TRPM1: variants seen among roughly 807,000 people sequenced by gnomAD.
TRPM1 encodes transient receptor potential cation channel subfamily M member 1.
A neutral mutation model predicts 149.4 loss-of-function variants in TRPM1; 113 were observed. The ratio of observed to expected loss-of-function variants is 0.76; its 90% CI spans 0.65 to 0.88. The LOEUF is 0.88. Ranked by LOEUF, TRPM1 falls within the 40% of genes least tolerant of loss-of-function variation. The pLI is 0.00. For missense variants in TRPM1, 1,976 were observed against 2,038.7 expected, an observed-to-expected ratio of 0.97 and a Z score of 0.59; for synonymous variants, 741 against 759.5, an observed-to-expected ratio of 0.98 and a Z score of 0.40.
chr15:31,117,743 G>A (rs1196792169), intron 1 of TRPM1, among the ~76,000 whole-genome samples: 2 of 150,738 alleles, frequency 1.3e-5, no homozygotes, highest in Non-Finnish European at 2.9e-5. Flanking sequence ...AAGAGCAGCT[G>A]TGTAATATTA....
upstream of TRPM1, among the ~76,000 whole-genome samples, chr15:31,103,435 C>A (rs944268852): frequency 1.3e-5 from 2 of 152,202 alleles, no homozygotes; most frequent in Non-Finnish European, 2.9e-5. Context: ...TAATCGATTG[C>A]ACATTGAAAT....
In TRPM1 at chr15:31,001,844, G is replaced by A. The variant is rs751690363; in HGVS notation, c.4856C>T (p.Ala1619Val). ...AEEKKVKKEK[A>V]STETEC ...AGACTAGCATTCAGTTTCTGTGGAA[G>A]CTTTCTCTTTCTTAACCTTTTTTTC... Residue 1619 changes from alanine (A) to valine (V), a missense_variant, in exon 28 of 28, where the codon GCT becomes GTT. Physicochemically the swap from Ala to Val is moderately conservative, Grantham distance 64. Around this residue, in one of 3 missense-constraint regions of TRPM1, gnomAD observed 572 missense variants for 578.9 expected, o/e 0.99. Coordinates refer to ENST00000256552, the MANE Select transcript of TRPM1 (RefSeq NM_001252024.2). 6 of 1,611,800 alleles carry A rather than the reference G, an allele frequency of 3.7e-6. No homozygotes were observed. Among genetic ancestry groups the A allele is most frequent in the East Asian group, 2.2e-5 (1 of 44,900 alleles).
intron 1 of TRPM1, among the ~76,000 whole-genome samples, chr15:31,126,762 G>A (rs763437179): frequency 9.9e-5 from 15 of 152,134 alleles, no homozygotes; most frequent in Non-Finnish European, 1.8e-4. Flanking sequence ...TTAGGAGTTC[G>A]AGACCAGCCT....
chr15:31,153,892 C>T (rs771820488), intron 1 of TRPM1, among the ~76,000 whole-genome samples: 20 of 152,184 alleles, frequency 1.3e-4, no homozygotes, highest in Admixed American at 3.3e-4. Flanking sequence ...AGGCTTCCAC[C>T]GTTGAGATTC....
intron 3 of TRPM1, among the ~76,000 whole-genome samples, chr15:31,076,361 C>T (rs145978398): frequency 6.6e-6 from 1 of 152,240 alleles, no homozygotes; most frequent in South Asian, 2.1e-4. Flanking sequence ...TAGCTTTTGC[C>T]CTTAGAGATG....
intron 1 of TRPM1, among the ~76,000 whole-genome samples, chr15:31,158,487 T>C (rs138177821): frequency 0.011 from 1,699 of 151,026 alleles, 35 homozygotes; most frequent in African/African-American, 0.039. Flanking sequence ...ATTATCCGGG[T>C]GTGGTGGCAG....
intron 1 of TRPM1, among the ~76,000 whole-genome samples, chr15:31,094,010 A>G (rs978924843): frequency 6.6e-6 from 1 of 152,252 alleles, no homozygotes; most frequent in African/African-American, 2.4e-5. Context: ...ATAAGGACAG[A>G]CATGCAGGCC....
In TRPM1 at chr15:31,081,427, ATCT is replaced by A. The variant is rs1375820246; in HGVS notation, c.-75_-73del. The A allele has an allele frequency of 2.6e-6, 4 of 1,533,964 alleles. No individual in the cohort carries two copies. The African/African-American group carries it at 4.1e-5, about 16-fold the overall frequency. On this transcript the variant is annotated 5_prime_UTR_variant, in exon 2 of 28. Coordinates refer to ENST00000256552, the MANE Select transcript of TRPM1 (RefSeq NM_001252024.2). ...GCAAGTTACTGCTGAGTCCTCAGAA[ATCT>A]TCTAGAACCTACGAGGATAAACAAG...
At chr15:31,120,452 T>C (rs2035860199) in intron 1 of TRPM1, among the ~76,000 whole-genome samples, 1 of 152,174 alleles carries the variant, frequency 6.6e-6, no homozygotes, top group South Asian at 2.1e-4. Context: ...ACTGTTGTAG[T>C]AGGAGACTCC....
chr15:31,097,681 T>G (rs185092296), intron 1 of TRPM1, among the ~76,000 whole-genome samples: 5 of 152,154 alleles, frequency 3.3e-5, no homozygotes. Flanking sequence ...GTCTCCATTA[T>G]GAATTGAAAA....
intron 16 of TRPM1, among the ~76,000 whole-genome samples, chr15:31,042,608 A>G (rs2033656042): frequency 2.0e-5 from 3 of 152,228 alleles, no homozygotes; most frequent in African/African-American, 7.2e-5. Flanking sequence ...TCTACAGTTT[A>G]TTTCCTCAGG....
At chr15:31,112,752 A>T (rs373257758) in intron 1 of TRPM1, among the ~76,000 whole-genome samples, 45 of 152,232 alleles carry the variant, frequency 3.0e-4, no homozygotes, top group African/African-American at 1.1e-3. Flanking sequence ...ATTCCACGTG[A>T]ACTAAATTTG....
intron 27 of TRPM1, among the ~76,000 whole-genome samples, chr15:31,023,568 C>T (rs888925283): frequency 4.6e-5 from 7 of 151,974 alleles, no homozygotes; most frequent in Non-Finnish European, 5.9e-5. Flanking sequence ...GTACTAGGTG[C>T]GTTGGGGTAG....
At position 31,148,962 on chromosome 15, in the gene TRPM1, C is replaced by T. The variant is rs56409104; in HGVS notation, c.54+11944G>A. ...CTGGGCAACCTGCAGATGCCCTGCA[C>T]AGCACACACGGCAAGAGTGCAACCC... On this transcript the variant is annotated intron_variant, in intron 1 of 26. Transcript: ENST00000542188. Among the ~76,000 whole-genome samples the T allele has an allele frequency of 6.1e-3, 924 of 152,330 alleles. 6 individuals are homozygous for T. The highest frequency in any genetic ancestry group is 0.017 in the Middle Eastern group (5 of 294).
chr15:31,072,018 T>TAGAGAGAGAGAGAGAGAGAG (rs61039099), intron 3 of TRPM1, among the ~76,000 whole-genome samples: 8 of 36,904 alleles, frequency 2.2e-4, no homozygotes, highest in Non-Finnish European at 3.3e-4. Context: ...TATATATATA[T>TAGAGAGAGAGAGAGAGAGAG]AGAGAGAGAG....
chr15:31,061,724 G>A (rs1368606146), intron 9 of TRPM1, among the ~76,000 whole-genome samples: 6 of 146,688 alleles, frequency 4.1e-5, no homozygotes, highest in Admixed American at 2.8e-4. Flanking sequence ...CGCTCTTGTC[G>A]CCCAGGCTGG....
chr15:31,019,446 G>C (rs1367708242), intron 27 of TRPM1, among the ~76,000 whole-genome samples: 1 of 152,188 alleles, frequency 6.6e-6, no homozygotes, highest in African/African-American at 2.4e-5. Context: ...CACGCAGGCT[G>C]GAGTGCAATC....
At chr15:31,150,636 A>G (rs1700161352) in intron 1 of TRPM1, among the ~76,000 whole-genome samples, 2 of 152,122 alleles carry the variant, frequency 1.3e-5, no homozygotes, top group Middle Eastern at 3.4e-3. Context: ...GGGTTTCACC[A>G]TGTTGGCCGG....
chr15:31,003,228 G>A (rs912252866), intron 27 of TRPM1, among the ~76,000 whole-genome samples, 158 bp from the exon 28 acceptor site: 15 of 152,094 alleles, frequency 9.9e-5, no homozygotes, highest in African/African-American at 3.6e-4. Context: ...ATGACTACTC[G>A]AATTACCATG....
Sources: allele counts gnomAD v4.1 joint callset (sites outside exome capture counted in the v4.1 genomes callset), GRCh38; gene constraint gnomAD v4.1.1; regional missense constraint gnomAD v4.1.1; transcripts MANE v1.5; gene names NCBI Gene and HGNC (gene_info 2026-07-23, HGNC 2026-07-21).